Variants in GIPC2 observed in about 807,000 individuals in gnomAD.
GIPC2 encodes the protein GIPC PDZ domain containing family member 2, also known as PDZ domain-containing protein GIPC2.
Under a neutral mutation model 30.6 loss-of-function variants are expected in GIPC2, and 30 were observed. The ratio of observed to expected loss-of-function variants is 0.98; its 90% confidence interval spans 0.73 to 1.33. The LOEUF (loss-of-function observed/expected upper bound fraction) is 1.33. GIPC2 is among the 40% of genes most tolerant of loss of function. GIPC2 has a pLI of 0.00. For synonymous variants in GIPC2, 167 were observed against 150.0 expected, an observed-to-expected ratio of 1.11 and a Z score of -0.83; for missense variants, 414 against 390.3, an observed-to-expected ratio of 1.06 and a Z score of -0.51.
At position 78,046,229 on chromosome 1, in the gene GIPC2, C is replaced by T; in HGVS notation, c.135C>T (p.His45=). Residue 45 remains histidine, a synonymous_variant, in exon 1 of 6, where the codon CAC becomes CAT. Coordinates refer to ENST00000370759, the MANE Select transcript of GIPC2 (RefSeq NM_017655.6). Reference sequence around the variant, plus strand: ...CTCCCGCACGCAGGCTGGTCTTCCACGCGCAGCTGGCGCACGGTAGTGCCA... The same window carrying T: ...CTCCCGCACGCAGGCTGGTCTTCCATGCGCAGCTGGCGCACGGTAGTGCCA... ...SRAPARRLVF[H]AQLAHGSATG... is the part of the protein sequence containing the mutation. 6.2e-7 allele frequency: 1 copy of T among 1,605,734 alleles called. No individual in the cohort carries two copies. The highest frequency in any genetic ancestry group is 1.7e-4 in the Middle Eastern group (1 of 5,918).
intron 5 of GIPC2, among the ~76,000 whole-genome samples, chr1:78,134,368 A>G (rs957600455): frequency 1.3e-5 from 2 of 150,292 alleles, no homozygotes; most frequent in Admixed American, 6.6e-5. Context: ...GTGTGTATGT[A>G]TGTGTGTGTG....
At chr1:78,121,925 G>T (rs1412093500) in intron 4 of GIPC2, among the ~76,000 whole-genome samples, 3 of 152,192 alleles carry the variant, frequency 2.0e-5, no homozygotes, top group African/African-American at 4.8e-5. Context: ...TCTGCCTTTT[G>T]CTGGAGGCTG....
intron 1 of GIPC2, among the ~76,000 whole-genome samples, chr1:78,062,916 G>T (rs1661420818): frequency 6.6e-6 from 1 of 152,112 alleles, no homozygotes; most frequent in Non-Finnish European, 1.5e-5. Flanking sequence ...GAAGCAACTG[G>T]AGCTTAGAGT....
intron 1 of GIPC2, among the ~76,000 whole-genome samples, chr1:78,068,016 A>G (rs1661551761): frequency 6.6e-6 from 1 of 152,134 alleles, no homozygotes; most frequent in South Asian, 2.1e-4. Context: ...TTTAGTATAA[A>G]CCTAATAAGC....
rs1159105440 is a variant in GIPC2, at chr1:78,046,352, C to A, written c.240+18C>A. On this transcript the variant is annotated intron_variant, in intron 1 of 5. Transcript: ENST00000370759. ...CGTCGGAGGTAAGGCGCCAGGTGCT[C>A]AGGCTCTCCCGCCTCTCCGCCGCGC... 1.9e-6 allele frequency: 3 copies of A among 1,590,316 alleles called. No individual in the cohort carries two copies. The highest frequency in any genetic ancestry group is 1.7e-5 in the Admixed American group (1 of 58,186).
At chr1:78,089,419 A>G (rs144914088) in intron 2 of GIPC2, among the ~76,000 whole-genome samples, 20 of 152,358 alleles carry the variant, frequency 1.3e-4, no homozygotes, top group African/African-American at 4.8e-4. Flanking sequence ...TAATATTTTA[A>G]TATTAGTTCT....
chr1:78,046,433 G>C, intron 1 of GIPC2, 99 bp downstream of exon 1: 1 of 1,165,898 alleles, frequency 8.6e-7, no homozygotes, highest in Non-Finnish European at 1.2e-6. Context: ...GCGTTTCCCG[G>C]AGCGCGAAAT....
intron 1 of GIPC2, among the ~76,000 whole-genome samples, chr1:78,079,685 C>G (rs1661789141): frequency 6.6e-6 from 1 of 152,198 alleles, no homozygotes; most frequent in African/African-American, 2.4e-5. Context: ...AGAAGCTACT[C>G]AGTACATGTT....
chr1:78,050,498 C>CT (rs1227248612), intron 1 of GIPC2, among the ~76,000 whole-genome samples: 48 of 151,780 alleles, frequency 3.2e-4, no homozygotes, highest in Admixed American at 3.1e-3. Flanking sequence ...TATCTGATGC[C>CT]TTTTTTCAAA....
At chr1:78,066,350 G>A (rs932335109) in intron 1 of GIPC2, among the ~76,000 whole-genome samples, 1 of 152,152 alleles carries the variant, frequency 6.6e-6, no homozygotes, top group African/African-American at 2.4e-5. Flanking sequence ...TCTCATACAA[G>A]TCAGAATAGT....
intron 1 of GIPC2, among the ~76,000 whole-genome samples, chr1:78,078,428 T>A (rs148378998): frequency 1.3e-5 from 2 of 152,306 alleles, no homozygotes; most frequent in East Asian, 3.9e-4. Context: ...ATCACATTCC[T>A]ACAGGTTTTC....
chr1:78,068,201 CAG>C (rs72177898), intron 1 of GIPC2, among the ~76,000 whole-genome samples: 83,482 of 151,864 alleles, frequency 0.55, 23,473 homozygotes, highest in South Asian at 0.63. Context: ...GTACCTGTGA[CAG>C]AATTTGTTTC....
intron 1 of GIPC2, among the ~76,000 whole-genome samples, chr1:78,062,734 G>A (rs547052683): frequency 6.6e-6 from 1 of 151,374 alleles, no homozygotes; most frequent in South Asian, 2.1e-4. Context: ...GGCTGGTCTC[G>A]AACTCCTGAG....
At chr1:78,104,182 A>AGGGGGGGGG (rs150902349) in intron 3 of GIPC2, among the ~76,000 whole-genome samples, 1 of 143,592 alleles carries the variant, frequency 7.0e-6, no homozygotes, top group South Asian at 2.3e-4. Flanking sequence ...TAGAGGGGGG[A>AGGGGGGGGG]GAGGGGGCCG....
At chr1:78,057,329 A>G (rs1661315552) in intron 1 of GIPC2, among the ~76,000 whole-genome samples, 1 of 151,622 alleles carries the variant, frequency 6.6e-6, no homozygotes, top group Non-Finnish European at 1.5e-5. Flanking sequence ...TCCCTAAGAA[A>G]CCCTCTCAGC....
At chr1:78,106,714 C>T (rs561153901) in intron 3 of GIPC2, among the ~76,000 whole-genome samples, 1 of 152,124 alleles carries the variant, frequency 6.6e-6, no homozygotes, top group Non-Finnish European at 1.5e-5. Context: ...GAGTTTCGTT[C>T]TTGTTGCCCA....
chr1:78,117,676 C>T (rs896195728), intron 3 of GIPC2, among the ~76,000 whole-genome samples: 1 of 152,144 alleles, frequency 6.6e-6, no homozygotes, highest in South Asian at 2.1e-4. Context: ...TTGGAGACCT[C>T]TACTTCAGTG....
At chr1:78,114,159 A>C (rs966137785) in intron 3 of GIPC2, among the ~76,000 whole-genome samples, 1 of 152,192 alleles carries the variant, frequency 6.6e-6, no homozygotes, top group Non-Finnish European at 1.5e-5. Context: ...AGTACACTCA[A>C]CTGGGAGCCC....
rs182086971 is a variant in GIPC2 at position 78,122,040 on chromosome 1, A to G, written c.714+2541A>G. 1.5e-3 allele frequency among the ~76,000 whole-genome samples: 233 copies of G among 152,342 alleles called. 4 individuals are homozygous for G. Among genetic ancestry groups the G allele is most frequent in the African/African-American group, 5.5e-3 (228 of 41,584 alleles). ...AGGAGCATCTTCTAAGGGTTAAATCATTCGTCACTCTTTGTTAAGCACCTG... is the reference window on the plus strand; with the variant it reads ...AGGAGCATCTTCTAAGGGTTAAATCGTTCGTCACTCTTTGTTAAGCACCTG... On this transcript the variant is annotated intron_variant, in intron 4 of 5. Transcript: ENST00000370759.
Sources: gnomAD v4.1 joint callset for allele counts (sites outside exome capture counted in the v4.1 genomes callset) on GRCh38, gnomAD v4.1.1 for gene constraint, MANE v1.5 for transcripts, NCBI Gene and HGNC (gene_info 2026-07-23, HGNC 2026-07-21) for gene names.